Variants in TMEM132D observed in about 807,000 individuals in gnomAD.
TMEM132D encodes the protein transmembrane protein 132D, also known as mature OL transmembrane protein.
A neutral mutation model predicts 62.3 loss-of-function variants in TMEM132D; 21 were observed. That is an observed-to-expected ratio of 0.34 (90% CI 0.24 to 0.49). The LOEUF is 0.49. Among genes scored for constraint, TMEM132D ranks in the 20% least tolerant of loss-of-function variants. TMEM132D has a pLI of 0.99. For synonymous variants in TMEM132D, 621 were observed against 575.6 expected (o/e 1.08, Z -1.13); for missense variants, 1,346 against 1,402.8 (o/e 0.96, Z 0.65).
intron 2 of TMEM132D, among the ~76,000 whole-genome samples, chr12:129,665,839 A>C (rs1055545168): frequency 6.6e-6 from 1 of 152,166 alleles, no homozygotes; most frequent in African/African-American, 2.4e-5. Flanking sequence ...ACACATCATG[A>C]TCTGTTTTAG....
chr12:129,696,654 T>C (rs553677157), intron 2 of TMEM132D, among the ~76,000 whole-genome samples: 99 of 152,212 alleles, frequency 6.5e-4, no homozygotes, highest in Non-Finnish European at 1.2e-3. Context: ...GAGCCCCAGT[T>C]CTTATCTTCC....
At chr12:129,611,986 G>A (rs185692984) in intron 2 of TMEM132D, among the ~76,000 whole-genome samples, 29 of 152,248 alleles carry the variant, frequency 1.9e-4, no homozygotes, top group Admixed American at 7.8e-4. Context: ...ACACTGGGCC[G>A]TGGCCGGTCG....
At position 129,838,354 on chromosome 12, in the gene TMEM132D, C is replaced by T. The variant is rs533540646; in HGVS notation, c.79+64907G>A. 8.7e-4 allele frequency among the ~76,000 whole-genome samples: 133 copies of T among 152,332 alleles called. 1 individual carries two copies. Among genetic ancestry groups the T allele is most frequent in the African/African-American group, 2.9e-3 (120 of 41,582 alleles). On this transcript the variant is annotated intron_variant, in intron 1 of 8. Transcript: ENST00000422113. ...AAAGACTGCATTTATGGTCTAGATG[C>T]AATTTGAGAGAATGCAACGGTTCCT...
chr12:129,641,402 C>T (rs1197295923), intron 2 of TMEM132D, among the ~76,000 whole-genome samples: 1 of 152,210 alleles, frequency 6.6e-6, no homozygotes, highest in Non-Finnish European at 1.5e-5. Context: ...GCATCTCCAA[C>T]ACCTAGAAGA....
chr12:129,561,526 C>T (rs558937972), intron 2 of TMEM132D, among the ~76,000 whole-genome samples: 4 of 152,224 alleles, frequency 2.6e-5, no homozygotes, highest in Admixed American at 1.3e-4. Flanking sequence ...TTGGGACTCC[C>T]CGAGATAGTG....
intron 1 of TMEM132D, among the ~76,000 whole-genome samples, chr12:129,901,073 C>T (rs1019072605): frequency 6.6e-6 from 1 of 152,092 alleles, no homozygotes; most frequent in Non-Finnish European, 1.5e-5. Flanking sequence ...AAAGACAATA[C>T]AGTAGAAATG....
chr12:129,644,706 C>T (rs1192770219), intron 2 of TMEM132D, among the ~76,000 whole-genome samples: 1 of 151,680 alleles, frequency 6.6e-6, no homozygotes, highest in African/African-American at 2.4e-5. Context: ...GGGCCAGGAG[C>T]AGTGGCTCAC....
chr12:129,307,426 T>C (rs943735147), intron 4 of TMEM132D, among the ~76,000 whole-genome samples: 2 of 152,200 alleles, frequency 1.3e-5, no homozygotes, highest in African/African-American at 4.8e-5. Context: ...AACCTGGAGA[T>C]TTCTTTTCAG....
intron 1 of TMEM132D, among the ~76,000 whole-genome samples, chr12:129,898,602 G>A (rs775201215): frequency 3.3e-5 from 5 of 152,218 alleles, no homozygotes; most frequent in Non-Finnish European, 7.3e-5. Flanking sequence ...CAGACAAGGC[G>A]AGTCTTCCCA....
chr12:129,138,155 A>G (rs1262957248), intron 5 of TMEM132D, among the ~76,000 whole-genome samples: 1 of 152,212 alleles, frequency 6.6e-6, no homozygotes, highest in Non-Finnish European at 1.5e-5. Context: ...CAACTGTTAG[A>G]TCACCTTACC....
intron 2 of TMEM132D, among the ~76,000 whole-genome samples, chr12:129,680,208 G>A (rs1294693323): frequency 6.6e-6 from 1 of 152,162 alleles, no homozygotes; most frequent in African/African-American, 2.4e-5. Context: ...CACGCGCTTG[G>A]ATAATCTTGG....
chr12:129,555,564 T>C (rs1376121840), intron 2 of TMEM132D, among the ~76,000 whole-genome samples: 1 of 152,246 alleles, frequency 6.6e-6, no homozygotes, highest in African/African-American at 2.4e-5. Context: ...AAAATGTTTT[T>C]GGACCTTCTA....
At chr12:129,723,488 G>A (rs889693727) in intron 1 of TMEM132D, among the ~76,000 whole-genome samples, 63 of 152,324 alleles carry the variant, frequency 4.1e-4, no homozygotes, top group African/African-American at 1.5e-3. Flanking sequence ...GAACCAGCAG[G>A]CTGTCACAGG....
At chr12:129,156,284 A>C (rs946117649) in intron 5 of TMEM132D, among the ~76,000 whole-genome samples, 4 of 151,952 alleles carry the variant, frequency 2.6e-5, no homozygotes, top group African/African-American at 4.8e-5. Context: ...TGAAGTAACT[A>C]ACTCAGTCCT....
chr12:129,893,220 G>A (rs558699702), intron 1 of TMEM132D, among the ~76,000 whole-genome samples: 2 of 152,172 alleles, frequency 1.3e-5, no homozygotes, highest in East Asian at 3.9e-4. Flanking sequence ...TCAGATTCCT[G>A]TACCTCAATT....
intron 3 of TMEM132D, among the ~76,000 whole-genome samples, chr12:129,467,869 C>A (rs569185625): frequency 1.1e-4 from 17 of 152,186 alleles, no homozygotes; most frequent in Non-Finnish European, 2.2e-4. Flanking sequence ...AAGCTTTTCA[C>A]TCGGAAGGAG....
At chr12:129,708,636 CA>C (rs1205398272) in intron 1 of TMEM132D, among the ~76,000 whole-genome samples, 868 of 81,914 alleles carry the variant, frequency 0.011, 51 homozygotes, top group African/African-American at 0.037. Flanking sequence ...AAAAAACACA[CA>C]CACACACACA....
At chr12:129,450,452 A>T (rs139368092) in intron 3 of TMEM132D, among the ~76,000 whole-genome samples, 6 of 152,292 alleles carry the variant, frequency 3.9e-5, no homozygotes, top group African/African-American at 1.4e-4. Flanking sequence ...CCCTGAACTT[A>T]AAAGTTTTAG....
intron 5 of TMEM132D, among the ~76,000 whole-genome samples, chr12:129,132,830 G>A (rs1876418460): frequency 6.6e-6 from 1 of 152,198 alleles, no homozygotes; most frequent in African/African-American, 2.4e-5. Flanking sequence ...CCCTGGATTA[G>A]CAGGCTTAGG....
Sources: allele counts gnomAD v4.1 joint callset (sites outside exome capture counted in the v4.1 genomes callset), GRCh38; gene constraint gnomAD v4.1.1; transcripts MANE v1.5; gene names NCBI Gene and HGNC (gene_info 2026-07-23, HGNC 2026-07-21).